The following ARHGAP17 variants were observed in gnomAD, a reference collection of about 807,000 sequenced individuals.
ARHGAP17 encodes the protein rho GTPase-activating protein 17.
A neutral mutation model predicts 99.5 loss-of-function variants in ARHGAP17; 57 were observed. That is an observed-to-expected ratio of 0.57 (90% CI 0.46 to 0.71). ARHGAP17 has a LOEUF of 0.71. ARHGAP17 is among the 30% of genes least tolerant of loss of function. The pLI is 0.00. For missense variants in ARHGAP17, 1,000 were observed against 1,122.4 expected, an observed-to-expected ratio of 0.89 and a Z score of 1.56; for synonymous variants, 417 against 429.6, an observed-to-expected ratio of 0.97 and a Z score of 0.36.
chr16:24,939,271 T>C (rs2051239460), intron 17 of ARHGAP17, 93 bp downstream of exon 17: 1 of 1,191,438 alleles, frequency 8.4e-7, no homozygotes, highest in African/African-American at 1.5e-5. Context: ...GCTGGAGCAG[T>C]TCTTTGGGCA....
chr16:24,924,414 G>T (rs2050789084), intron 19 of ARHGAP17, among the ~76,000 whole-genome samples: 1 of 146,010 alleles, frequency 6.8e-6, no homozygotes, highest in African/African-American at 2.5e-5. Context: ...AGACAAAAAA[G>T]AAACCTTTTA....
chr16:24,947,604 C>T lies in ARHGAP17; in HGVS notation c.1128-9G>A. The T allele has an allele frequency of 6.2e-7, 1 of 1,603,896 alleles. No individual in the cohort carries two copies. The highest frequency in any genetic ancestry group is 8.5e-7 in the Non-Finnish European group (1 of 1,176,322). ...GGAACTTGATCAAATATCTAGGGGT[C>T]AAAAGAGAAGGGGAGGGTTTCTCCT... On this transcript the variant is annotated splice_polypyrimidine_tract_variant and intron_variant, in intron 13 of 19. Transcript: ENST00000289968.
chr16:24,931,802 C>T, intron 18 of ARHGAP17, among the ~76,000 whole-genome samples: 1 of 152,100 alleles, frequency 6.6e-6, no homozygotes, highest in South Asian at 2.1e-4. Flanking sequence ...GAAATCTGAA[C>T]AAAATGTGGA....
chr16:24,977,688 T>C (rs1241077497), intron 2 of ARHGAP17, among the ~76,000 whole-genome samples: 3 of 151,966 alleles, frequency 2.0e-5, no homozygotes, highest in Admixed American at 1.3e-4. Context: ...TCAAAATTAT[T>C]CCTTATTGGG....
chr16:24,968,844 T>G, intron 4 of ARHGAP17, 72 bp from the exon 5 acceptor site: 2 of 1,449,816 alleles, frequency 1.4e-6, no homozygotes. Context: ...TGTGGATCAG[T>G]GCTGCTTGCC....
intron 1 of ARHGAP17, among the ~76,000 whole-genome samples, chr16:25,014,914 G>A (rs1263382838): frequency 2.6e-5 from 4 of 152,206 alleles, no homozygotes; most frequent in Non-Finnish European, 5.9e-5. Context: ...CCCCGAGGGC[G>A]ATGCTCCCGG....
intron 1 of ARHGAP17, among the ~76,000 whole-genome samples, chr16:25,005,335 C>T (rs1193724259): frequency 6.6e-6 from 1 of 152,152 alleles, no homozygotes; most frequent in East Asian, 1.9e-4. Context: ...TCAGCTTTAT[C>T]TTCTGAAACT....
At chr16:25,000,222 A>C (rs751105818) in intron 1 of ARHGAP17, among the ~76,000 whole-genome samples, 2 of 152,216 alleles carry the variant, frequency 1.3e-5, no homozygotes, top group Non-Finnish European at 2.9e-5. Context: ...AAGAAAGCCA[A>C]TTCTTGAGGG....
At chr16:25,001,067 C>T (rs2053347786) in intron 1 of ARHGAP17, among the ~76,000 whole-genome samples, 1 of 152,162 alleles carries the variant, frequency 6.6e-6, no homozygotes, top group Non-Finnish European at 1.5e-5. Context: ...GCCCTTTACA[C>T]AATATTCCTA....
At chr16:24,935,981 C>A in intron 17 of ARHGAP17, 1 of 346,306 alleles carries the variant, frequency 2.9e-6, no homozygotes, top group Non-Finnish European at 5.6e-6. Flanking sequence ...TTCGTTGCAT[C>A]AGACTGGACT....
At position 24,930,808 on chromosome 16, in the gene ARHGAP17, G is replaced by A. The variant is rs2050961110; in HGVS notation, c.2491C>T (p.Pro831Ser). Residue 831 changes from proline (P) to serine (S), a missense_variant, in exon 19 of 20, where the codon CCA becomes TCA. Around this residue, in one of 2 missense-constraint regions of ARHGAP17, gnomAD observed 528 missense variants for 511.4 expected, o/e 1.03. Transcript: ENST00000289968. Reference protein sequence around the residue: ...AGDSSLTNTAPTASKIVTDSN... With the variant: ...AGDSSLTNTASTASKIVTDSN... ...CCTGTTACTATCTTGGAAGCTGTTG[G>A]TGCTGTGTTGGTGAGGCTGCTGTCC... 1 of 1,614,118 alleles carries A rather than the reference G, an allele frequency of 6.2e-7. No individual in the cohort carries two copies. The highest frequency in any genetic ancestry group is 2.2e-5 in the East Asian group (1 of 44,878).
chr16:24,978,866 TAA>T (rs56027541), intron 2 of ARHGAP17, 98 bp downstream of exon 2: 106,985 of 570,048 alleles, frequency 0.19, 3,158 homozygotes, highest in African/African-American at 0.38. Flanking sequence ...TGTTTCTGGT[TAA>T]AAAAAAAAAA....
intron 3 of ARHGAP17, among the ~76,000 whole-genome samples, chr16:24,976,127 A>C (rs1185701619): frequency 6.6e-6 from 1 of 152,214 alleles, no homozygotes; most frequent in Non-Finnish European, 1.5e-5. Flanking sequence ...AGGGTGGAAC[A>C]GAAACAGTCA....
chr16:24,945,252 G>A (rs1488461464), intron 14 of ARHGAP17, among the ~76,000 whole-genome samples: 1 of 151,822 alleles, frequency 6.6e-6, no homozygotes, highest in Non-Finnish European at 1.5e-5. Context: ...GAGCCCAGGA[G>A]GTTGCGGCTG....
intron 12 of ARHGAP17, 79 bp downstream of exon 12, chr16:24,952,210 G>T: frequency 9.4e-7 from 1 of 1,064,560 alleles, no homozygotes; most frequent in Non-Finnish European, 1.4e-6. Flanking sequence ...TGATCCCTGA[G>T]AATAAAATGA....
chr16:24,942,208 C>A, intron 15 of ARHGAP17, 65 bp from the exon 16 acceptor site: 11 of 1,498,596 alleles, frequency 7.3e-6, no homozygotes, highest in Non-Finnish European at 9.0e-6. Context: ...AGCTCTAAGA[C>A]ACCCCTCATT....
At chr16:24,922,335 C>T (rs1450912064) in intron 19 of ARHGAP17, among the ~76,000 whole-genome samples, 1 of 152,208 alleles carries the variant, frequency 6.6e-6, no homozygotes, top group African/African-American at 2.4e-5. Flanking sequence ...CACATGCAAG[C>T]TAACGCCTAT....
intron 3 of ARHGAP17, among the ~76,000 whole-genome samples, chr16:24,971,163 C>T (rs2052350042): frequency 6.6e-6 from 1 of 152,080 alleles, no homozygotes. Context: ...AACCATCACG[C>T]CCAGCCTGTT....
In ARHGAP17 at chr16:24,930,865, G is replaced by A. The variant is rs766473946; in HGVS notation, c.2434C>T (p.Pro812Ser). The change falls in exon 19 of 20, where the codon CCC (proline) becomes TCC (serine). Residue 812 changes from proline (P) to serine (S), a missense_variant. Pro to Ser is a moderately conservative substitution (Grantham distance 74). Around this residue, in one of 2 missense-constraint regions of ARHGAP17, gnomAD observed 528 missense variants for 511.4 expected, o/e 1.03. Coordinates refer to ENST00000289968, the MANE Select transcript of ARHGAP17 (RefSeq NM_001006634.3). ...KPRNRPSVPPPPQPPGVHSAG... is the reference protein window; with the variant it reads ...KPRNRPSVPPSPQPPGVHSAG... ...GAGTGGACACCAGGAGGTTGGGGGG[G>A]TGGGGGCACGCTGGGCCGGTTCCTT... 2 of 1,614,002 alleles carry A rather than the reference G, an allele frequency of 1.2e-6. No homozygotes were observed. The highest frequency in any genetic ancestry group is 2.2e-5 in the South Asian group (2 of 91,054).
Sources: allele counts gnomAD v4.1 joint callset (sites outside exome capture counted in the v4.1 genomes callset), GRCh38; gene constraint gnomAD v4.1.1; regional missense constraint gnomAD v4.1.1; transcripts MANE v1.5; gene names NCBI Gene and HGNC (gene_info 2026-07-23, HGNC 2026-07-21).